R3HCC1L: variants seen among roughly 807,000 people sequenced by gnomAD.
R3HCC1L encodes the protein R3H domain and coiled-coil containing 1 like.
R3HCC1L carries 51 observed loss-of-function variants against 59.9 expected under a neutral mutation model. That is an observed-to-expected ratio of 0.85 (90% CI 0.68 to 1.07). The LOEUF (loss-of-function observed/expected upper bound fraction) is 1.07, where lower values mean the gene tolerates loss of function less well. Among genes scored for constraint, R3HCC1L ranks in the 50% least tolerant of loss-of-function variants. R3HCC1L has a pLI of 0.00. For missense variants in R3HCC1L, 965 were observed against 933.0 expected, an observed-to-expected ratio of 1.03 and a Z score of -0.45; for synonymous variants, 322 against 315.2, an observed-to-expected ratio of 1.02 and a Z score of -0.23.
chr10:98,163,449 T>A (rs1332263099), intron 4 of R3HCC1L, 52 bp downstream of exon 4: 1 of 1,097,476 alleles, frequency 9.1e-7, no homozygotes, highest in Admixed American at 3.0e-5. Context: ...CTGTTTACTC[T>A]AAAGATTTGT....
chr10:98,222,813 G>A (rs934398533), intron 5 of R3HCC1L, among the ~76,000 whole-genome samples: 1 of 152,048 alleles, frequency 6.6e-6, no homozygotes, highest in African/African-American at 2.4e-5. Flanking sequence ...AAGAAAAAAA[G>A]AGAGAAGAAT....
In R3HCC1L at chr10:98,134,709, A is replaced by G. The variant is rs950217787; in HGVS notation, c.-268+3A>G. 6.6e-6 allele frequency: 1 copy of G among 152,280 alleles called. No homozygotes were observed. Among genetic ancestry groups the G allele is most frequent in the Non-Finnish European group, 1.5e-5 (1 of 68,082 alleles). 9.4% of individuals were successfully genotyped at this position (152,280 alleles called of 1,614,324 possible). A position where few individuals can be genotyped will look rare whatever the true frequency, so the allele number is the denominator to read the frequency against. On this transcript the variant is annotated splice_donor_region_variant and intron_variant, in intron 1 of 9. Transcript: ENST00000298999. ...AAGCGGAGAGCAACAGCGCGCCGGT[A>G]ACAACCAGCCCCGTATCCCCTCCCT...
intron 4 of R3HCC1L, among the ~76,000 whole-genome samples, chr10:98,191,875 A>T (rs1850893658): frequency 6.6e-6 from 1 of 152,174 alleles, no homozygotes; most frequent in South Asian, 2.1e-4. Context: ...CCCAGGCTGG[A>T]GTGCAGTGGC....
intron 9 of R3HCC1L, among the ~76,000 whole-genome samples, chr10:98,236,425 A>T (rs774988708): frequency 6.6e-6 from 1 of 152,142 alleles, no homozygotes; most frequent in African/African-American, 2.4e-5. Context: ...CAGCTCATCC[A>T]TGGCTTTTCC....
intron 5 of R3HCC1L, among the ~76,000 whole-genome samples, 200 bp downstream of exon 5, chr10:98,210,099 C>A (rs1361422220): frequency 6.6e-6 from 1 of 152,014 alleles, no homozygotes; most frequent in Non-Finnish European, 1.5e-5. Flanking sequence ...CTATAATAGC[C>A]AAGCCCTGAG....
chr10:98,226,464 A>G (rs1010938114), intron 5 of R3HCC1L, among the ~76,000 whole-genome samples: 2 of 152,218 alleles, frequency 1.3e-5, no homozygotes, highest in African/African-American at 2.4e-5. Context: ...AGAACTTAAT[A>G]TTGTTCAGAT....
At chr10:98,219,635 T>C (rs1237997326) in intron 5 of R3HCC1L, among the ~76,000 whole-genome samples, 1 of 152,202 alleles carries the variant, frequency 6.6e-6, no homozygotes, top group Non-Finnish European at 1.5e-5. Flanking sequence ...TGATGGTAGA[T>C]AGCATCCTTT....
At chr10:98,219,728 G>C (rs934671710) in intron 5 of R3HCC1L, among the ~76,000 whole-genome samples, 3 of 151,154 alleles carry the variant, frequency 2.0e-5, no homozygotes, top group African/African-American at 7.4e-5. Flanking sequence ...GCTTATCTGG[G>C]AACAACTTTA....
At chr10:98,200,982 A>G (rs534912668) in intron 4 of R3HCC1L, among the ~76,000 whole-genome samples, 82 of 152,308 alleles carry the variant, frequency 5.4e-4, no homozygotes, top group South Asian at 1.2e-3. Flanking sequence ...ACCCAATCAT[A>G]TAACTCCCAG....
rs752682533 is a variant in R3HCC1L at position 98,209,616 on chromosome 10, C to T, written c.1502C>T (p.Ser501Leu). 1.9e-6 allele frequency: 3 copies of T among 1,614,004 alleles called. No homozygotes were observed. The highest frequency in any genetic ancestry group is 1.7e-5 in the Admixed American group (1 of 60,002). ...ATGTTAAATGGGACAAAAGTTCTTT[C>T]AGACAGTGCCGTGGGCATTGACCTG... ...LSMLNGTKVLSDSAVGIDLGS... is the reference protein window; with the variant it reads ...LSMLNGTKVLLDSAVGIDLGS... The change falls in exon 5 of 10, where the codon TCA becomes TTA. Residue 501 changes from serine (S) to leucine (L), a missense_variant. Ser to Leu is a moderately radical substitution (Grantham distance 145). Coordinates refer to ENST00000298999, the MANE Select transcript of R3HCC1L (RefSeq NM_001351015.2).
intron 4 of R3HCC1L, among the ~76,000 whole-genome samples, chr10:98,172,511 G>A (rs17523231): frequency 0.025 from 3,776 of 152,268 alleles, 78 homozygotes; most frequent in Non-Finnish European, 0.039. Flanking sequence ...ATATGGCTTG[G>A]ATCGATGGTG....
At chr10:98,183,919 G>T (rs779253292) in intron 4 of R3HCC1L, among the ~76,000 whole-genome samples, 1 of 140,246 alleles carries the variant, frequency 7.1e-6, no homozygotes, top group South Asian at 2.2e-4. Flanking sequence ...TCCGAATCTG[G>T]TTCTATTGTT....
intron 5 of R3HCC1L, among the ~76,000 whole-genome samples, chr10:98,218,886 T>G (rs1854535576): frequency 6.6e-6 from 1 of 152,214 alleles, no homozygotes; most frequent in South Asian, 2.1e-4. Flanking sequence ...TTACAATGTT[T>G]TATCATCTTA....
At chr10:98,192,625 G>A (rs1850986775) in intron 4 of R3HCC1L, among the ~76,000 whole-genome samples, 2 of 152,102 alleles carry the variant, frequency 1.3e-5, no homozygotes, top group African/African-American at 4.8e-5. Flanking sequence ...CCCATAAGCA[G>A]TAAGGAAATT....
Position 98,209,313 on chromosome 10 carries a change from G to C in R3HCC1L, c.1199G>C (p.Arg400Thr). 1.2e-6 allele frequency: 2 copies of C among 1,613,936 alleles called. No individual in the cohort carries two copies. The highest frequency in any genetic ancestry group is 8.5e-7 in the Non-Finnish European group (1 of 1,179,926). Residue 400 changes from arginine (R) to threonine (T), a missense_variant, in exon 5 of 10, where the codon AGA becomes ACA. Physicochemically the swap from Arg to Thr is moderately conservative, Grantham distance 71. Transcript: ENST00000298999. ...TVDSPYVVAVRIADETSINTR... is the reference protein window; with the variant it reads ...TVDSPYVVAVTIADETSINTR... ...GATAGCCCTTATGTAGTTGCAGTTA[G>C]AATAGCTGATGAGACCTCTATTAAT...
intron 4 of R3HCC1L, among the ~76,000 whole-genome samples, chr10:98,205,566 C>T (rs1564690240): frequency 6.6e-6 from 1 of 152,136 alleles, no homozygotes; most frequent in Non-Finnish European, 1.5e-5. Flanking sequence ...AGAAAAACAT[C>T]AAGTAATACT....
chr10:98,225,315 C>T (rs1356383211), intron 5 of R3HCC1L, among the ~76,000 whole-genome samples: 1 of 152,206 alleles, frequency 6.6e-6, no homozygotes, highest in Admixed American at 6.5e-5. Context: ...CACAGCCTTT[C>T]TTTGCCTCAC....
intron 2 of R3HCC1L, among the ~76,000 whole-genome samples, chr10:98,159,225 C>G (rs528048405): frequency 6.6e-6 from 1 of 152,224 alleles, no homozygotes. Context: ...AGGAATACCG[C>G]AAAGTATTGT....
In R3HCC1L at chr10:98,235,464, T is replaced by A; in HGVS notation, c.2072T>A (p.Ile691Asn). The change falls in exon 8 of 10, where the codon ATT becomes AAT. Residue 691 changes from isoleucine (I) to asparagine (N), a missense_variant. Physicochemically the swap from Ile to Asn is moderately radical, Grantham distance 149. Coordinates refer to ENST00000298999, the MANE Select transcript of R3HCC1L (RefSeq NM_001351015.2). ...GGTATTAAACACACCATGGTGAAGATTCGTCCCTTGTCACAGGCCACAAGA... is the reference window on the plus strand; with the variant it reads ...GGTATTAAACACACCATGGTGAAGAATCGTCCCTTGTCACAGGCCACAAGA... ...ALGIKHTMVK[I>N]RPLSQATRAA... The A allele has an allele frequency of 6.2e-7, 1 of 1,613,776 alleles. No homozygotes were observed. The highest frequency in any genetic ancestry group is 1.3e-5 in the African/African-American group (1 of 75,030).
Sources: gnomAD v4.1 joint callset for allele counts (sites outside exome capture counted in the v4.1 genomes callset) on GRCh38, gnomAD v4.1.1 for gene constraint, MANE v1.5 for transcripts, NCBI Gene and HGNC (gene_info 2026-07-23, HGNC 2026-07-21) for gene names.